MECOM: variants seen among roughly 807,000 people sequenced by gnomAD.
MECOM encodes MDS1 and EVI1 complex locus, also known as histone-lysine N-methyltransferase MECOM.
MECOM carries 13 observed loss-of-function variants against 116.3 expected under a neutral mutation model. The observed-to-expected ratio is 0.11, with a 90% CI of 0.07 to 0.18. The LOEUF (loss-of-function observed/expected upper bound fraction) is 0.18. MECOM is among the 10% of genes least tolerant of loss of function. The pLI is 1.00. For synonymous variants in MECOM, 528 were observed against 535.2 expected (o/e 0.99, Z 0.19); for missense variants, 1,299 against 1,509.0 (o/e 0.86, Z 2.31).
intron 2 of MECOM, among the ~76,000 whole-genome samples, chr3:169,255,443 G>T (rs185003854): frequency 1.3e-4 from 19 of 151,812 alleles, no homozygotes; most frequent in South Asian, 8.3e-4. Flanking sequence ...GAGGAACATA[G>T]GTAAACGTAG....
At chr3:169,162,062 C>T (rs761501600) in intron 2 of MECOM, among the ~76,000 whole-genome samples, 8 of 152,150 alleles carry the variant, frequency 5.3e-5, no homozygotes, top group Non-Finnish European at 8.8e-5. Context: ...TGTTTTCAAC[C>T]ATTAAGTTTT....
chr3:169,368,313 T>C (rs1419272513), intron 2 of MECOM, among the ~76,000 whole-genome samples: 1 of 152,058 alleles, frequency 6.6e-6, no homozygotes, highest in Non-Finnish European at 1.5e-5. Flanking sequence ...AAATAATTCA[T>C]TTTAAAAATC....
intron 2 of MECOM, among the ~76,000 whole-genome samples, chr3:169,149,051 C>T (rs1020995337): frequency 6.6e-6 from 1 of 151,036 alleles, no homozygotes; most frequent in Non-Finnish European, 1.5e-5. Flanking sequence ...CCTGCCCTCC[C>T]TCAACTTGCC....
chr3:169,125,669 G>T (rs1732587889), intron 5 of MECOM, among the ~76,000 whole-genome samples: 1 of 152,088 alleles, frequency 6.6e-6, no homozygotes, highest in African/African-American at 2.4e-5. Flanking sequence ...AAAAGTAAAT[G>T]TGCATTGCTT....
At position 169,092,465 on chromosome 3, in the gene MECOM, A is replaced by T. The variant is rs1167332839; in HGVS notation, c.3164+493T>A. ...ACATATATGTATTTATGTATAATAC[A>T]GGTATATAGAATCATATATTACCTG... On this transcript the variant is annotated intron_variant, in intron 14 of 16. Coordinates refer to ENST00000651503, the MANE Select transcript of MECOM (RefSeq NM_004991.4). Among the ~76,000 whole-genome samples, 3 of 152,004 alleles carry T rather than the reference A, an allele frequency of 2.0e-5. No individual in the cohort carries two copies. In the East Asian group the frequency reaches 5.8e-4, roughly 29 times the overall value.
At chr3:169,422,036 CAAAT>C (rs1043045378) in intron 1 of MECOM, among the ~76,000 whole-genome samples, 10 of 152,046 alleles carry the variant, frequency 6.6e-5, no homozygotes, top group Non-Finnish European at 1.5e-4. Context: ...ATTTCATAAA[CAAAT>C]AACAATTGTA....
chr3:169,509,423 A>G (rs1024914015), intron 1 of MECOM, among the ~76,000 whole-genome samples: 1 of 152,220 alleles, frequency 6.6e-6, no homozygotes, highest in African/African-American at 2.4e-5. Context: ...ACACTGTTGT[A>G]CGACCATCAC....
At chr3:169,127,392 T>G (rs1437747508) in intron 5 of MECOM, among the ~76,000 whole-genome samples, 1 of 152,140 alleles carries the variant, frequency 6.6e-6, no homozygotes, top group African/African-American at 2.4e-5. Context: ...TTTAGATCAA[T>G]TGTTGAAATT....
chr3:169,459,780 T>G (rs1336726224), intron 1 of MECOM, among the ~76,000 whole-genome samples: 2 of 152,052 alleles, frequency 1.3e-5, no homozygotes. Context: ...AAGGGTCACC[T>G]GCAGTTCAAG....
At chr3:169,517,631 C>T (rs922760997) in intron 1 of MECOM, among the ~76,000 whole-genome samples, 1 of 152,102 alleles carries the variant, frequency 6.6e-6, no homozygotes, top group African/African-American at 2.4e-5. Context: ...GCAAAAAAAA[C>T]CTCTAGAATG....
chr3:169,557,734 G>T (rs942543356), intron 1 of MECOM, among the ~76,000 whole-genome samples: 5 of 152,182 alleles, frequency 3.3e-5, no homozygotes, highest in Non-Finnish European at 7.3e-5. Context: ...CAGCCAACAG[G>T]TTCCTTATTC....
chr3:169,234,883 T>C (rs1235004799), intron 2 of MECOM, among the ~76,000 whole-genome samples: 1 of 152,202 alleles, frequency 6.6e-6, no homozygotes, highest in Non-Finnish European at 1.5e-5. Flanking sequence ...GGAATTAAAA[T>C]TAACCAGCTC....
chr3:169,388,040 C>A (rs1733651132), intron 1 of MECOM, among the ~76,000 whole-genome samples: 2 of 151,916 alleles, frequency 1.3e-5, no homozygotes, highest in Non-Finnish European at 2.9e-5. Context: ...GCCCAACTTG[C>A]AAGCAGACAG....
rs187766471 is a variant in MECOM at position 169,446,871 on chromosome 3, C to T, written c.38-65347G>A. Among the ~76,000 whole-genome samples, 283 of 152,292 alleles carry T rather than the reference C, an allele frequency of 1.9e-3. 1 individual carries two copies. The highest frequency in any genetic ancestry group is 3.0e-3 in the Non-Finnish European group (207 of 68,026). Reference sequence around the variant, plus strand: ...ACTGCCCTCATCCCTATCAGGATGGCTTGTTCAGGGGGTGCACCAAGCTTT... The same window carrying T: ...ACTGCCCTCATCCCTATCAGGATGGTTTGTTCAGGGGGTGCACCAAGCTTT... On this transcript the variant is annotated intron_variant, in intron 1 of 16. Coordinates refer to ENST00000651503, the MANE Select transcript of MECOM (RefSeq NM_004991.4).
intron 1 of MECOM, among the ~76,000 whole-genome samples, chr3:169,569,770 C>A (rs1483093356): frequency 6.6e-6 from 1 of 152,102 alleles, no homozygotes; most frequent in Non-Finnish European, 1.5e-5. Flanking sequence ...TAAATAAGTT[C>A]TTTGAAACTT....
chr3:169,147,655 G>T, intron 2 of MECOM: 1 of 985,514 alleles, frequency 1.0e-6, no homozygotes, highest in Non-Finnish European at 1.2e-6. Context: ...GATCTCGCCA[G>T]GCAGGATTTC....
At chr3:169,109,483 C>G (rs1374167364) in intron 9 of MECOM, among the ~76,000 whole-genome samples, 2 of 151,098 alleles carry the variant, frequency 1.3e-5, no homozygotes, top group Non-Finnish European at 2.9e-5. Context: ...GGCACAATCT[C>G]AGCTCACTGC....
chr3:169,484,213 G>A (rs765183253), intron 1 of MECOM: 1 of 582,616 alleles, frequency 1.7e-6, no homozygotes, highest in Non-Finnish European at 3.0e-6. Flanking sequence ...TTGTAAATAT[G>A]TGAATGTTTA....
chr3:169,584,427 T>C (rs1290368772), intron 1 of MECOM, among the ~76,000 whole-genome samples: 1 of 151,378 alleles, frequency 6.6e-6, no homozygotes, highest in Non-Finnish European at 1.5e-5. Context: ...TAGCCGGGCG[T>C]GGTGGCGAGC....
Sources: allele counts gnomAD v4.1 joint callset (sites outside exome capture counted in the v4.1 genomes callset), GRCh38; gene constraint gnomAD v4.1.1; transcripts MANE v1.5; gene names NCBI Gene and HGNC (gene_info 2026-07-23, HGNC 2026-07-21).